FGGY: variants seen among roughly 807,000 people sequenced by gnomAD.
The protein encoded by FGGY is FGGY carbohydrate kinase domain-containing protein.
FGGY carries 72 observed loss-of-function variants against 71.3 expected under a neutral mutation model. The observed-to-expected ratio is 1.01, with a 90% CI of 0.84 to 1.23. The LOEUF (loss-of-function observed/expected upper bound fraction) is 1.23, where lower values mean the gene tolerates loss of function less well. FGGY is among the 50% of genes most tolerant of loss of function. FGGY has a pLI of 0.00. For synonymous variants in FGGY, 251 were observed against 250.3 expected (o/e 1.00, Z -0.02); for missense variants, 668 against 682.3 (o/e 0.98, Z 0.23).
At chr1:59,606,708 G>A (rs1274805038) in intron 8 of FGGY, among the ~76,000 whole-genome samples, 1 of 152,188 alleles carries the variant, frequency 6.6e-6, no homozygotes, top group African/African-American at 2.4e-5. Flanking sequence ...GCAACTCAGG[G>A]AAATCAGAAT....
At chr1:59,747,869 C>T (rs1055450483) in intron 14 of FGGY, among the ~76,000 whole-genome samples, 4 of 152,150 alleles carry the variant, frequency 2.6e-5, no homozygotes, top group African/African-American at 9.7e-5. Flanking sequence ...TGAACTAAAG[C>T]TGGAGATCTG....
chr1:59,343,394 C>A (rs1305362283), intron 3 of FGGY, among the ~76,000 whole-genome samples: 1 of 152,192 alleles, frequency 6.6e-6, no homozygotes, highest in African/African-American at 2.4e-5. Flanking sequence ...CTCACTCTTT[C>A]CTCACCTGCC....
At chr1:59,412,448 C>T (rs1319430889) in intron 5 of FGGY, among the ~76,000 whole-genome samples, 1 of 152,030 alleles carries the variant, frequency 6.6e-6, no homozygotes, top group Non-Finnish European at 1.5e-5. Context: ...TCTTGCCTCC[C>T]CCTCCTTATT....
At chr1:59,455,808 G>T (rs1353457588) in intron 5 of FGGY, among the ~76,000 whole-genome samples, 4 of 152,218 alleles carry the variant, frequency 2.6e-5, no homozygotes, top group African/African-American at 9.6e-5. Context: ...GTAAGAGTTT[G>T]AATTATCATG....
chr1:59,537,331 C>T (rs1225252115), intron 7 of FGGY, among the ~76,000 whole-genome samples: 1 of 152,090 alleles, frequency 6.6e-6, no homozygotes, highest in Non-Finnish European at 1.5e-5. Context: ...CAAACCACTG[C>T]TCAAGGAAAT....
intron 12 of FGGY, among the ~76,000 whole-genome samples, chr1:59,664,837 T>A (rs771097381): frequency 3.3e-5 from 5 of 152,202 alleles, no homozygotes; most frequent in Non-Finnish European, 7.3e-5. Context: ...TTACTAGATT[T>A]CATCAAGCCT....
intron 5 of FGGY, among the ~76,000 whole-genome samples, chr1:59,407,225 G>A (rs1158228026): frequency 6.6e-6 from 1 of 152,184 alleles, no homozygotes; most frequent in East Asian, 1.9e-4. Flanking sequence ...CCTTTTAGCT[G>A]ATGGGTGGAA....
rs1173669453 is a variant in FGGY at position 59,500,480 on chromosome 1, C to A, written c.671-11831C>A. Among the ~76,000 whole-genome samples the A allele has an allele frequency of 4.6e-5, 7 of 151,860 alleles. 1 individual carries two copies. The highest frequency in any genetic ancestry group is 1.7e-4 in the African/African-American group (7 of 41,360). ...ATTATAGGAATAAATGATCTCAAAT[C>A]TTCACAGTGCCTCTTATAGATGGCT... On this transcript the variant is annotated intron_variant, in intron 6 of 15. Coordinates refer to ENST00000303721, the MANE Select transcript of FGGY (RefSeq NM_018291.5).
chr1:59,604,621 A>C (rs2096606330), intron 8 of FGGY, among the ~76,000 whole-genome samples: 2 of 152,190 alleles, frequency 1.3e-5, no homozygotes, highest in African/African-American at 4.8e-5. Flanking sequence ...AAGGGAGGTG[A>C]AGTGTATCCT....
At chr1:59,471,687 A>G (rs1228751833) in intron 6 of FGGY, among the ~76,000 whole-genome samples, 2 of 152,158 alleles carry the variant, frequency 1.3e-5, no homozygotes, top group Admixed American at 6.5e-5. Flanking sequence ...ACACTCCCCA[A>G]GTGTCTCCTG....
chr1:59,465,402 A>C (rs2153531831), intron 6 of FGGY, among the ~76,000 whole-genome samples: 1 of 152,362 alleles, frequency 6.6e-6, no homozygotes, highest in East Asian at 1.9e-4. Flanking sequence ...CCAATATCAT[A>C]CTGAATGGGC....
chr1:59,494,857 T>A (rs1008014849), intron 6 of FGGY, among the ~76,000 whole-genome samples: 1 of 152,176 alleles, frequency 6.6e-6, no homozygotes, highest in African/African-American at 2.4e-5. Flanking sequence ...GGTATATACC[T>A]ACTAATGGGA....
In FGGY at chr1:59,699,144, C is replaced by T. The variant is rs115343440; in HGVS notation, c.1512+25011C>T. ...ATCTTGATTATAAAACAAATTATACCACAAACTTTTAGTATCGTGAGCTTC... is the reference window on the plus strand; with the variant it reads ...ATCTTGATTATAAAACAAATTATACTACAAACTTTTAGTATCGTGAGCTTC... On this transcript the variant is annotated intron_variant, in intron 14 of 15. Coordinates refer to ENST00000303721, the MANE Select transcript of FGGY (RefSeq NM_018291.5). 3.6e-4 allele frequency: 350 copies of T among 985,190 alleles called. 2 individuals are homozygous for T. The African/African-American group carries it at 5.7e-3, about 16-fold the overall frequency. The allele number at this position is 985,190 out of a possible 1,614,324, so 61.0% of individuals were successfully genotyped here. A position where few individuals can be genotyped will look rare whatever the true frequency, so the allele number is the denominator to read the frequency against.
intron 9 of FGGY, among the ~76,000 whole-genome samples, chr1:59,614,249 A>G (rs1398614448): frequency 6.6e-6 from 1 of 152,226 alleles, no homozygotes; most frequent in Non-Finnish European, 1.5e-5. Context: ...AAAATCCTCA[A>G]TAAAATATTG....
intron 14 of FGGY, among the ~76,000 whole-genome samples, chr1:59,733,536 T>C (rs1267350835): frequency 6.6e-6 from 1 of 152,130 alleles, no homozygotes; most frequent in Non-Finnish European, 1.5e-5. Flanking sequence ...TTCTAACACT[T>C]ACAAGGACAA....
At chr1:59,542,445 CTTTT>C (rs754831417) in intron 7 of FGGY, among the ~76,000 whole-genome samples, 11 of 34,254 alleles carry the variant, frequency 3.2e-4, no homozygotes, top group African/African-American at 8.3e-4. Context: ...ATGTTCTTTA[CTTTT>C]TTTTTTTTTT....
chr1:59,429,875 T>G, intron 5 of FGGY, among the ~76,000 whole-genome samples: 1 of 152,246 alleles, frequency 6.6e-6, no homozygotes, highest in Non-Finnish European at 1.5e-5. Context: ...TACACCCTTC[T>G]GAACTCAGCC....
In FGGY at chr1:59,457,043, G is replaced by T. The variant is rs756848452; in HGVS notation, c.637G>T (p.Glu213Ter). ...DDSFWKMIGL[E>*]DFVADNYSKI... ...CAGTTTCTGGAAAATGATTGGTTTG[G>T]AAGACTTTGTTGCAGATAATTACAG... The change falls in exon 6 of 16, where the codon GAA (glutamate) becomes TAA (stop). Residue 213 changes from glutamate to a stop codon, truncating the protein, a stop_gained. Transcript: ENST00000303721. LOFTEE classifies it high-confidence loss of function. The T allele has an allele frequency of 4.3e-6, 7 of 1,614,038 alleles. No homozygotes were observed. The highest frequency in any genetic ancestry group is 5.9e-6 in the Non-Finnish European group (7 of 1,179,912).
chr1:59,317,286 A>G (rs1276701242), intron 1 of FGGY, among the ~76,000 whole-genome samples: 24 of 152,176 alleles, frequency 1.6e-4, no homozygotes, highest in Admixed American at 1.4e-3. Flanking sequence ...ACTTGCCGCA[A>G]GAGACTGTGG....
Sources: gnomAD v4.1 joint callset for allele counts (sites outside exome capture counted in the v4.1 genomes callset) on GRCh38, gnomAD v4.1.1 for gene constraint, MANE v1.5 for transcripts, NCBI Gene and HGNC (gene_info 2026-07-23, HGNC 2026-07-21) for gene names.